Variants in PLCG2 observed in about 807,000 individuals in gnomAD.
PLCG2 encodes 1-phosphatidylinositol 4,5-bisphosphate phosphodiesterase gamma-2.
A neutral mutation model predicts 175.6 loss-of-function variants in PLCG2; 69 were observed. That is an observed-to-expected ratio of 0.39 (90% CI 0.32 to 0.48). The LOEUF (loss-of-function observed/expected upper bound fraction) is 0.48. PLCG2 is among the 20% of genes least tolerant of loss of function. PLCG2 has a pLI of 0.91. For missense variants in PLCG2, 1,798 were observed against 1,650.9 expected (o/e 1.09, Z -1.54); for synonymous variants, 827 against 624.0 (o/e 1.33, Z -4.85).
intron 7 of PLCG2, among the ~76,000 whole-genome samples, chr16:81,871,848 C>T (rs1270714705): frequency 9.7e-6 from 1 of 103,226 alleles, no homozygotes; most frequent in Non-Finnish European, 2.4e-5. Context: ...TGGGCACCAT[C>T]TGAATGTCTC....
intron 10 of PLCG2, among the ~76,000 whole-genome samples, chr16:81,890,791 A>C (rs1321433114): frequency 6.6e-6 from 1 of 152,136 alleles, no homozygotes; most frequent in East Asian, 1.9e-4. Context: ...CCCTTTCAAC[A>C]TTCTGATATG....
chr16:81,789,673 C>T (rs1291777472), intron 2 of PLCG2, among the ~76,000 whole-genome samples: 1 of 152,170 alleles, frequency 6.6e-6, no homozygotes, highest in Non-Finnish European at 1.5e-5. Context: ...TGATATTTCA[C>T]CACTTTGGCT....
At chr16:81,766,116 C>T (rs1910144314) in intron 2 of PLCG2, among the ~76,000 whole-genome samples, 1 of 152,196 alleles carries the variant, frequency 6.6e-6, no homozygotes, top group African/African-American at 2.4e-5. Context: ...TCTCCTGGAG[C>T]TGGTTTGATT....
rs112113666 is a variant in PLCG2, at chr16:81,834,591, A to AGCTGCTGCTGCTGCTGCTGCTGCT, written c.194-19831_194-19830insCTGCTGCTGCTGCTGCTGCTGCTG. On this transcript the variant is annotated intron_variant, in intron 2 of 32. Transcript: ENST00000564138. ...TGGTTGATAGACCCTGGATCTGCAG[A>AGCTGCTGCTGCTGCTGCTGCTGCT]GCTGCTGCTGCTGCTGCTGCTGTTG... Among the ~76,000 whole-genome samples the AGCTGCTGCTGCTGCTGCTGCTGCT allele has an allele frequency of 6.7e-4, 101 of 151,358 alleles. No homozygotes were observed. In the East Asian group the frequency reaches 6.9e-3, roughly 10 times the overall value.
intron 2 of PLCG2, among the ~76,000 whole-genome samples, chr16:81,831,641 A>G (rs1905263145): frequency 1.3e-5 from 2 of 152,158 alleles, no homozygotes; most frequent in Non-Finnish European, 2.9e-5. Context: ...CAAGCTGTGG[A>G]GTCCAGCAGG....
intron 2 of PLCG2, among the ~76,000 whole-genome samples, chr16:81,760,667 T>A (rs2143085962): frequency 6.6e-6 from 1 of 150,994 alleles, no homozygotes; most frequent in East Asian, 2.0e-4. Context: ...TCCCAACCCT[T>A]TGGGAGGTCA....
intron 12 of PLCG2, among the ~76,000 whole-genome samples, chr16:81,894,296 G>C (rs1340567770): frequency 6.6e-6 from 1 of 152,200 alleles, no homozygotes; most frequent in Non-Finnish European, 1.5e-5. Flanking sequence ...GTGTGTAGTG[G>C]CATGCGCCTG....
At chr16:81,844,229 G>A (rs533564031) in intron 2 of PLCG2, among the ~76,000 whole-genome samples, 12 of 146,008 alleles carry the variant, frequency 8.2e-5, no homozygotes, top group Admixed American at 3.6e-4. Flanking sequence ...TCCTGACCTC[G>A]TGATCCACCC....
intron 2 of PLCG2, among the ~76,000 whole-genome samples, chr16:81,819,477 C>A (rs1456787408): frequency 1.3e-5 from 2 of 152,166 alleles, no homozygotes; most frequent in African/African-American, 4.8e-5. Flanking sequence ...GCTGGGTGGA[C>A]CTCCTGGCTC....
intron 2 of PLCG2, among the ~76,000 whole-genome samples, chr16:81,819,205 C>A (rs938370885): frequency 3.3e-5 from 5 of 152,228 alleles, no homozygotes; most frequent in African/African-American, 1.2e-4. Context: ...CGGGCTGCTT[C>A]TAGAGATGGA....
chr16:81,947,221 C>T (rs16956065), intron 31 of PLCG2, among the ~76,000 whole-genome samples: 3,026 of 152,248 alleles, frequency 0.02, 142 homozygotes, highest in East Asian at 0.11. Flanking sequence ...GATTTGACTT[C>T]CTTGATGAGG....
At position 81,799,114 on chromosome 16, in the gene PLCG2, A is replaced by T. The variant is rs552267530; in HGVS notation, c.193+12932A>T. 4 of 152,228 alleles carry T rather than the reference A, an allele frequency of 2.6e-5. No individual in the cohort carries two copies. The East Asian group carries it at 7.7e-4, about 29-fold the overall frequency. 9.4% of individuals were successfully genotyped at this position (152,228 alleles called of 1,614,324 possible). On this transcript the variant is annotated intron_variant, in intron 2 of 32. Transcript: ENST00000564138. ...CTGAGCTGCTTCCCTCTGGCCTTGC[A>T]TATTTCTCCTAATTAAAACAACTGC... is the stretch of plus-strand genomic sequence containing the variant.
intron 5 of PLCG2, among the ~76,000 whole-genome samples, chr16:81,867,383 T>G (rs1443259278): frequency 6.6e-6 from 1 of 152,204 alleles, no homozygotes. Flanking sequence ...TCACTTCTCC[T>G]TCTTGTGTGA....
chr16:81,871,116 A>G (rs895496428), intron 7 of PLCG2, among the ~76,000 whole-genome samples, 181 bp downstream of exon 7: 5 of 152,202 alleles, frequency 3.3e-5, no homozygotes, highest in East Asian at 1.9e-4. Flanking sequence ...TTCTTTAACC[A>G]TGACAGAGCT....
At chr16:81,953,800 G>A (rs956062916) in intron 31 of PLCG2, among the ~76,000 whole-genome samples, 5 of 152,056 alleles carry the variant, frequency 3.3e-5, no homozygotes, top group Admixed American at 2.0e-4. Context: ...AGTGTACCCA[G>A]GACTACAGTA....
Position 81,920,980 on chromosome 16 carries a change from G to A in PLCG2, c.2236-218G>A, listed in dbSNP as rs142947445. Among the ~76,000 whole-genome samples the A allele has an allele frequency of 3.5e-3, 538 of 152,296 alleles. 8 individuals are homozygous for A. Among genetic ancestry groups the A allele is most frequent in the African/African-American group, 0.012 (508 of 41,566 alleles). ...GCAGTGCCTGGCACGCAGCAGGCCAGGACAGGGCCTCTCTGATTTTGGGTT... is the reference window on the plus strand; with the variant it reads ...GCAGTGCCTGGCACGCAGCAGGCCAAGACAGGGCCTCTCTGATTTTGGGTT... On this transcript the variant is annotated intron_variant, in intron 20 of 32. Transcript: ENST00000564138.
At position 81,854,607 on chromosome 16, in the gene PLCG2, C is replaced by G. The variant is rs2143475265; in HGVS notation, c.337+20C>G. 1 of 1,609,024 alleles carries G rather than the reference C, an allele frequency of 6.2e-7. No homozygotes were observed. The highest frequency in any genetic ancestry group is 2.2e-5 in the East Asian group (1 of 44,724). Reference sequence around the variant, plus strand: ...TGGCAGGTAGGTGCATGTTTCTGTGCCTTTCTCCTTCCCTGTGCCTTAGTG... The same window carrying G: ...TGGCAGGTAGGTGCATGTTTCTGTGGCTTTCTCCTTCCCTGTGCCTTAGTG... On this transcript the variant is annotated intron_variant, in intron 3 of 32. Coordinates refer to ENST00000564138, the MANE Select transcript of PLCG2 (RefSeq NM_002661.5).
At chr16:81,819,298 C>A (rs1904690713) in intron 2 of PLCG2, among the ~76,000 whole-genome samples, 1 of 152,116 alleles carries the variant, frequency 6.6e-6, no homozygotes, top group Non-Finnish European at 1.5e-5. Flanking sequence ...TGTTGGATTC[C>A]CAGGTGTGGA....
intron 2 of PLCG2, chr16:81,842,828 C>T (rs927892538): frequency 3.3e-5 from 5 of 151,782 alleles, no homozygotes; most frequent in Admixed American, 1.3e-4. Flanking sequence ...AGCTATGAGA[C>T]GTACGGAGGG....
Sources: allele counts gnomAD v4.1 joint callset (sites outside exome capture counted in the v4.1 genomes callset), GRCh38; gene constraint gnomAD v4.1.1; transcripts MANE v1.5; gene names NCBI Gene and HGNC (gene_info 2026-07-23, HGNC 2026-07-21).